KCNH5: variants seen among roughly 807,000 people sequenced by gnomAD.
KCNH5 encodes potassium voltage-gated channel subfamily H member 5, also known as voltage-gated delayed rectifier potassium channel KCNH5.
In KCNH5, 46 loss-of-function variants were observed where a neutral mutation model predicts 96.1. That is an observed-to-expected ratio of 0.48 (90% CI 0.38 to 0.61). The LOEUF (loss-of-function observed/expected upper bound fraction) is 0.61. KCNH5 is among the 20% of genes least tolerant of loss of function. KCNH5 has a pLI of 0.00. For synonymous variants in KCNH5, 439 were observed against 449.8 expected, an observed-to-expected ratio of 0.98 and a Z score of 0.30; for missense variants, 907 against 1,225.8, an observed-to-expected ratio of 0.74 and a Z score of 3.88.
chr14:62,959,639 A>G (rs772032808), intron 6 of KCNH5, among the ~76,000 whole-genome samples: 1 of 152,124 alleles, frequency 6.6e-6, no homozygotes, highest in East Asian at 1.9e-4. Context: ...TGATGTTTGC[A>G]TCATTATGGT....
intron 7 of KCNH5, among the ~76,000 whole-genome samples, chr14:62,923,301 A>C (rs900156748): frequency 6.6e-6 from 1 of 152,048 alleles, no homozygotes; most frequent in East Asian, 1.9e-4. Context: ...ACTATAAAAC[A>C]GTGGTGAAAG....
At chr14:62,864,880 C>T (rs1888103401) in intron 7 of KCNH5, among the ~76,000 whole-genome samples, 1 of 151,946 alleles carries the variant, frequency 6.6e-6, no homozygotes, top group African/African-American at 2.4e-5. Flanking sequence ...TTTTACAATC[C>T]CTGCAGTAGG....
intron 3 of KCNH5, among the ~76,000 whole-genome samples, chr14:63,003,450 T>A (rs1193049078): frequency 7.4e-6 from 1 of 134,372 alleles, no homozygotes; most frequent in Non-Finnish European, 1.5e-5. Context: ...TATATATATA[T>A]TATATATATA....
At chr14:62,765,888 C>T (rs556621845) in intron 10 of KCNH5, among the ~76,000 whole-genome samples, 3 of 152,092 alleles carry the variant, frequency 2.0e-5, no homozygotes, top group Non-Finnish European at 2.9e-5. Flanking sequence ...AGGATACAAT[C>T]GACAAAGTGA....
chr14:62,875,863 T>C (rs890355692), intron 7 of KCNH5, among the ~76,000 whole-genome samples: 1 of 152,064 alleles, frequency 6.6e-6, no homozygotes, highest in Non-Finnish European at 1.5e-5. Context: ...TGATTAGGTT[T>C]TATTGCCTTC....
At chr14:62,977,068 G>C (rs1890513598) in intron 6 of KCNH5, among the ~76,000 whole-genome samples, 3 of 152,132 alleles carry the variant, frequency 2.0e-5, no homozygotes, top group Non-Finnish European at 4.4e-5. Flanking sequence ...CATATTTGCA[G>C]TCATAACAAT....
intron 4 of KCNH5, among the ~76,000 whole-genome samples, chr14:62,999,372 T>C (rs1890969409): frequency 6.6e-6 from 1 of 152,166 alleles, no homozygotes; most frequent in Admixed American, 6.5e-5. Context: ...CGCCCACTTT[T>C]TGATGGGGTT....
intron 4 of KCNH5, among the ~76,000 whole-genome samples, chr14:62,997,324 AATAGT>A (rs762385670): frequency 2.0e-5 from 3 of 152,282 alleles, no homozygotes; most frequent in South Asian, 2.1e-4. Context: ...ATAAGAAAAA[AATAGT>A]TAGAATATTA....
intron 7 of KCNH5, among the ~76,000 whole-genome samples, chr14:62,916,749 C>T (rs1389943454): frequency 6.6e-6 from 1 of 152,182 alleles, no homozygotes; most frequent in Non-Finnish European, 1.5e-5. Flanking sequence ...GAGGGTCATG[C>T]CAATATTCCT....
chr14:62,939,683 T>C (rs1044554813), intron 7 of KCNH5, among the ~76,000 whole-genome samples: 12 of 152,180 alleles, frequency 7.9e-5, no homozygotes, highest in African/African-American at 2.9e-4. Flanking sequence ...CTCATGCCTG[T>C]AATCTCAGCA....
intron 9 of KCNH5, among the ~76,000 whole-genome samples, chr14:62,781,241 C>CG (rs943888713): frequency 5.9e-5 from 9 of 152,040 alleles, no homozygotes; most frequent in African/African-American, 2.2e-4. Context: ...AGGGAGTGTG[C>CG]GAATAGGTGT....
chr14:63,008,217 A>C (rs1296385935), intron 2 of KCNH5, among the ~76,000 whole-genome samples: 1 of 152,192 alleles, frequency 6.6e-6, no homozygotes, highest in African/African-American at 2.4e-5. Flanking sequence ...GCTGAAGCTT[A>C]TACAATTTGT....
chr14:62,783,684 G>A (rs1026254606), intron 9 of KCNH5, among the ~76,000 whole-genome samples: 5 of 151,986 alleles, frequency 3.3e-5, no homozygotes, highest in Non-Finnish European at 7.4e-5. Context: ...TGTTATTAAT[G>A]ATAACCCTAG....
At chr14:62,853,494 A>ATATATATGATATATATATATATATATAT (rs375695583) in intron 7 of KCNH5, among the ~76,000 whole-genome samples, 1 of 102,056 alleles carries the variant, frequency 9.8e-6, no homozygotes, top group African/African-American at 3.5e-5. Flanking sequence ...ATATATATAT[A>ATATATATGATATATATATATATATATAT]ATCTTGGCCA....
In KCNH5 at chr14:62,709,232, C is replaced by CAA. The variant is rs67304113; in HGVS notation, c.2020-779_2020-778dup. Among the ~76,000 whole-genome samples, 85 of 71,566 alleles carry CAA rather than the reference C, an allele frequency of 1.2e-3. 4 individuals are homozygous for CAA. Among genetic ancestry groups the CAA allele is most frequent in the African/African-American group, 3.0e-3 (60 of 19,712 alleles). 47.0% of individuals were successfully genotyped at this position (71,566 alleles called of 152,430 possible). A position where few individuals can be genotyped will look rare whatever the true frequency, so the allele number is the denominator to read the frequency against. On this transcript the variant is annotated intron_variant, in intron 10 of 10. Transcript: ENST00000322893. ...TGGGCGACAGAACGAGACTCCTTCT[C>CAA]AAAAAAAAAAAAAAAAAAAAAAAAA...
rs1412529866 is a variant in KCNH5 at position 63,006,336 on chromosome 14, G to T, written c.304+30C>A. On this transcript the variant is annotated intron_variant, in intron 3 of 10. Coordinates refer to ENST00000322893, the MANE Select transcript of KCNH5 (RefSeq NM_139318.5). ...CAAACATAATATTAATAAAGAGTTG[G>T]CACATCTTATTAATAATTGAGATAC... 12 of 1,295,184 alleles carry T rather than the reference G, an allele frequency of 9.3e-6. No individual in the cohort carries two copies. The South Asian group carries it at 9.6e-5, about 10-fold the overall frequency. The allele number at this position is 1,295,184 out of a possible 1,614,324, so 80.2% of individuals were successfully genotyped here.
chr14:62,880,517 T>C (rs1306418669), intron 7 of KCNH5, among the ~76,000 whole-genome samples: 2 of 152,182 alleles, frequency 1.3e-5, no homozygotes, highest in African/African-American at 4.8e-5. Context: ...CACTGGATAT[T>C]GTGGCACTCA....
chr14:62,954,893 T>G (rs114936647), intron 6 of KCNH5, among the ~76,000 whole-genome samples: 3,704 of 152,164 alleles, frequency 0.024, 177 homozygotes, highest in African/African-American at 0.084. Flanking sequence ...TCATGAGACT[T>G]ATTCACTACC....
At chr14:62,902,622 G>T (rs1303597709) in intron 7 of KCNH5, among the ~76,000 whole-genome samples, 1 of 151,832 alleles carries the variant, frequency 6.6e-6, no homozygotes, top group Non-Finnish European at 1.5e-5. Context: ...TTAAATCCTA[G>T]CTCTACCTCC....
Sources: gnomAD v4.1 joint callset for allele counts (sites outside exome capture counted in the v4.1 genomes callset) on GRCh38, gnomAD v4.1.1 for gene constraint, MANE v1.5 for transcripts, NCBI Gene and HGNC (gene_info 2026-07-23, HGNC 2026-07-21) for gene names.